Variants in CADPS observed in about 807,000 individuals in gnomAD.
CADPS encodes the protein calcium-dependent secretion activator 1.
CADPS carries 57 observed loss-of-function variants against 167.3 expected under a neutral mutation model. That is an observed-to-expected ratio of 0.34 (90% confidence interval 0.28 to 0.42). CADPS has a LOEUF of 0.42. Ranked by LOEUF, CADPS falls within the 20% of genes least tolerant of loss-of-function variation. CADPS has a pLI of 1.00. For synonymous variants in CADPS, 676 were observed against 635.3 expected (o/e 1.06, Z -0.96); for missense variants, 1,414 against 1,738.1 (o/e 0.81, Z 3.32).
chr3:62,471,741 C>T lies in CADPS; in HGVS notation c.3477+2432G>A, dbSNP rs139103944. Among the ~76,000 whole-genome samples the T allele has an allele frequency of 3.4e-3, 515 of 152,216 alleles. 1 individual carries two copies. The highest frequency in any genetic ancestry group is 0.012 in the African/African-American group (493 of 41,532). The stretch of plus-strand genomic sequence containing the variant: ...CCTTAGAAAACTCAGTTAAAATGTA[C>T]ATCTCAAGAAGATTTAAGGGGAAAT... On this transcript the variant is annotated intron_variant, in intron 24 of 29. Coordinates refer to ENST00000383710, the MANE Select transcript of CADPS (RefSeq NM_003716.4).
intron 1 of CADPS, among the ~76,000 whole-genome samples, chr3:62,869,670 T>C (rs2082280413): frequency 6.6e-6 from 1 of 152,170 alleles, no homozygotes; most frequent in Non-Finnish European, 1.5e-5. Flanking sequence ...TTGACATATA[T>C]GTTATCTTCC....
At chr3:62,635,987 A>T (rs188972075) in intron 6 of CADPS, among the ~76,000 whole-genome samples, 53 of 152,362 alleles carry the variant, frequency 3.5e-4, no homozygotes, top group African/African-American at 1.1e-3. Flanking sequence ...TAAAAAAGGC[A>T]TCTGAGAGAT....
intron 16 of CADPS, chr3:62,513,815 A>G: frequency 8.6e-6 from 6 of 695,236 alleles, no homozygotes; most frequent in Non-Finnish European, 1.3e-5. Flanking sequence ...ATAGCCACAG[A>G]GTATTTTGGG....
chr3:62,702,511 G>A (rs2081576516), intron 3 of CADPS, among the ~76,000 whole-genome samples: 1 of 152,064 alleles, frequency 6.6e-6, no homozygotes, highest in Admixed American at 6.5e-5. Context: ...GGAATAAATA[G>A]ATTGGTGATG....
intron 16 of CADPS, among the ~76,000 whole-genome samples, chr3:62,515,498 T>C (rs1334495933): frequency 6.6e-6 from 1 of 152,044 alleles, no homozygotes; most frequent in Non-Finnish European, 1.5e-5. Context: ...ATTTAAGGTC[T>C]GGAGTAACAA....
intron 29 of CADPS, among the ~76,000 whole-genome samples, chr3:62,401,726 TACC>T (rs1243809057): frequency 7.8e-6 from 1 of 129,008 alleles, no homozygotes; most frequent in Non-Finnish European, 1.7e-5. Context: ...CTGTGGCTCA[TACC>T]ACATTTTTTT....
rs768987070 is a variant in CADPS at position 62,438,188 on chromosome 3, G to A, written c.3693C>T (p.Asp1231=). 5.6e-6 allele frequency: 9 copies of A among 1,613,468 alleles called. No individual in the cohort carries two copies. The highest frequency in any genetic ancestry group is 5.0e-5 in the Admixed American group (3 of 60,010). ...AATGGCGGACGAAAGTCACGTAGGC[G>A]TCGGCCACGTCCATCCCGGGTTTCT... ...DVPKPGMDVA[D]AYVTFVRHSQ... is the part of the protein sequence containing the mutation. The change falls in exon 28 of 30, where the codon GAC becomes GAT. Residue 1231 remains aspartate (D), a synonymous_variant. Transcript: ENST00000383710. The surrounding 1 kb of genome is among the most constrained non-coding windows in gnomAD (Gnocchi z 4.7).
chr3:62,650,306 C>T (rs2069763928), intron 5 of CADPS, among the ~76,000 whole-genome samples: 1 of 152,102 alleles, frequency 6.6e-6, no homozygotes, highest in Non-Finnish European at 1.5e-5. Flanking sequence ...AGATTATATA[C>T]ATATGAAAAG....
intron 28 of CADPS, among the ~76,000 whole-genome samples, chr3:62,431,193 A>G (rs1045625489): frequency 5.3e-5 from 8 of 152,166 alleles, no homozygotes; most frequent in Non-Finnish European, 8.8e-5. Flanking sequence ...ACCCTTCCCA[A>G]TAGTATGGGT....
At chr3:62,864,385 T>G (rs951084517) in intron 1 of CADPS, among the ~76,000 whole-genome samples, 2 of 152,152 alleles carry the variant, frequency 1.3e-5, no homozygotes, top group African/African-American at 4.8e-5. Flanking sequence ...AGGGCTGTCT[T>G]TGTTAGGACT....
intron 28 of CADPS, among the ~76,000 whole-genome samples, chr3:62,434,534 G>T (rs1418894380): frequency 1.3e-5 from 2 of 152,068 alleles, no homozygotes; most frequent in Admixed American, 6.6e-5. Context: ...AGAATGCTTG[G>T]TTAAAACAAA....
intron 24 of CADPS, chr3:62,470,831 T>C (rs1027680410): frequency 1.3e-5 from 2 of 151,758 alleles, no homozygotes; most frequent in Non-Finnish European, 2.9e-5. Flanking sequence ...AGTCTAGATG[T>C]GTGTGTGTGT....
At position 62,618,814 on chromosome 3, in the gene CADPS, T is replaced by C. The variant is rs140093160; in HGVS notation, c.1326-26066A>G. 4.8e-3 allele frequency among the ~76,000 whole-genome samples: 731 copies of C among 152,320 alleles called. 5 individuals are homozygous for C. Among genetic ancestry groups the C allele is most frequent in the East Asian group, 0.021 (108 of 5,182 alleles). ...ACATAGAGTAGTTTGAAAACTAAAA[T>C]TTCCTTTATGTATGTATTCATTTGT... On this transcript the variant is annotated intron_variant, in intron 6 of 29. Transcript: ENST00000383710.
chr3:62,701,282 C>T (rs939977249), intron 3 of CADPS, among the ~76,000 whole-genome samples: 12 of 152,082 alleles, frequency 7.9e-5, no homozygotes, highest in African/African-American at 2.4e-4. Context: ...ACCATCATTA[C>T]TGCTGATGTC....
In CADPS at chr3:62,607,681, T is replaced by TA. The variant is rs1477731487; in HGVS notation, c.1326-14934dup. On this transcript the variant is annotated intron_variant, in intron 6 of 29. Transcript: ENST00000383710. ...CCCGGTTGCCTTTGATAGAGGGGAT[T>TA]ACGGAAGCTGTTGTTGGTTTGCATT... 5.9e-5 allele frequency among the ~76,000 whole-genome samples: 9 copies of TA among 152,256 alleles called. No homozygotes were observed. In the East Asian group the frequency reaches 1.7e-3, roughly 29 times the overall value.
intron 6 of CADPS, among the ~76,000 whole-genome samples, chr3:62,599,628 TATA>T (rs1286869699): frequency 1.7e-4 from 2 of 11,884 alleles, no homozygotes; most frequent in Admixed American, 1.3e-3. Context: ...TAATATATAA[TATA>T]ATAAATATAA....
In CADPS at chr3:62,412,146, ATTT is replaced by A. The variant is rs60203483; in HGVS notation, c.3778-8964_3778-8962del. ...AGTGTCATTTTTAGTTGAGGGTAGG[ATTT>A]TTTTTTTTTTTTTTTAACGTCCGTA... On this transcript the variant is annotated intron_variant, in intron 28 of 29. Transcript: ENST00000383710. This position sits in a 1 kb window ranked among gnomAD's most constrained non-coding sequence, Gnocchi z 4.1. Among the ~76,000 whole-genome samples the A allele has an allele frequency of 7.8e-5, 11 of 140,468 alleles. No homozygotes were observed. Among genetic ancestry groups the A allele is most frequent in the African/African-American group, 1.1e-4 (4 of 37,852 alleles). The allele number at this position is 140,468 out of a possible 152,430, so 92.2% of individuals were successfully genotyped here. A position where few individuals can be genotyped will look rare whatever the true frequency, so the allele number is the denominator to read the frequency against.
intron 3 of CADPS, among the ~76,000 whole-genome samples, chr3:62,731,049 T>G (rs1389189295): frequency 1.3e-5 from 2 of 152,218 alleles, no homozygotes; most frequent in Non-Finnish European, 2.9e-5. Context: ...CCCTCATCTT[T>G]AGTCTTTGTA....
chr3:62,782,493 A>G (rs897265135), intron 1 of CADPS, among the ~76,000 whole-genome samples: 11 of 152,276 alleles, frequency 7.2e-5, no homozygotes, highest in African/African-American at 2.6e-4. Context: ...CACGCCCAAC[A>G]CTTTACTTAA....
Sources: gnomAD v4.1 joint callset for allele counts (sites outside exome capture counted in the v4.1 genomes callset) on GRCh38, gnomAD v4.1.1 for gene constraint, Gnocchi (gnomAD v3.1) non-coding constraint, MANE v1.5 for transcripts, NCBI Gene and HGNC (gene_info 2026-07-23, HGNC 2026-07-21) for gene names.